The following FMN2 variants were observed in gnomAD, a reference collection of about 807,000 sequenced individuals.
The protein encoded by FMN2 is formin-2.
In FMN2, 51 loss-of-function variants were observed where a neutral mutation model predicts 142.3. The observed-to-expected ratio is 0.36, with a 90% confidence interval of 0.29 to 0.45. FMN2 has a LOEUF of 0.45. Ranked by LOEUF, FMN2 falls within the 20% of genes least tolerant of loss-of-function variation. The pLI, the probability that FMN2 is intolerant of heterozygous loss-of-function variation, is 1.00. For synonymous variants in FMN2, 882 were observed against 869.8 expected, an observed-to-expected ratio of 1.01 and a Z score of -0.25; for missense variants, 1,936 against 2,122.8, an observed-to-expected ratio of 0.91 and a Z score of 1.73.
intron 7 of FMN2, among the ~76,000 whole-genome samples, chr1:240,289,247 G>A (rs1029915403): frequency 1.3e-5 from 2 of 152,144 alleles, no homozygotes; most frequent in African/African-American, 4.8e-5. Flanking sequence ...ACAGCCCTGA[G>A]AGACTGCTCC....
intron 8 of FMN2, among the ~76,000 whole-genome samples, chr1:240,322,985 A>C (rs190608202): frequency 6.6e-6 from 1 of 152,004 alleles, no homozygotes; most frequent in Admixed American, 6.6e-5. Flanking sequence ...ATCTTCCGCC[A>C]TCCCCAAGAA....
At chr1:240,406,121 AATC>A (rs1170277208) in intron 15 of FMN2, among the ~76,000 whole-genome samples, 1 of 92,724 alleles carries the variant, frequency 1.1e-5, no homozygotes, top group Non-Finnish European at 2.1e-5. Flanking sequence ...AAGCGAAGGG[AATC>A]AGCCTCGGGA....
intron 3 of FMN2, among the ~76,000 whole-genome samples, chr1:240,187,349 G>A (rs957412993): frequency 2.0e-5 from 3 of 151,670 alleles, no homozygotes; most frequent in Non-Finnish European, 4.4e-5. Flanking sequence ...CCAGGGTCTG[G>A]TCTGCATGCC....
chr1:240,245,962 C>T (rs1056613558), intron 6 of FMN2, among the ~76,000 whole-genome samples: 6 of 151,568 alleles, frequency 4.0e-5, no homozygotes, highest in Admixed American at 1.3e-4. Flanking sequence ...GGGCGGATCA[C>T]GAGGTCAGGG....
intron 6 of FMN2, among the ~76,000 whole-genome samples, chr1:240,250,179 G>A (rs1668231792): frequency 6.6e-6 from 1 of 152,238 alleles, no homozygotes; most frequent in East Asian, 1.9e-4. Context: ...AATTATTAGA[G>A]GAAAGGCTTT....
intron 6 of FMN2, among the ~76,000 whole-genome samples, chr1:240,243,579 A>G (rs983629515): frequency 2.0e-5 from 3 of 152,238 alleles, no homozygotes; most frequent in Admixed American, 2.0e-4. Context: ...TTATTGGATT[A>G]CAAAATAAAA....
chr1:240,358,757 T>C (rs1164920063), intron 14 of FMN2, among the ~76,000 whole-genome samples: 1 of 152,106 alleles, frequency 6.6e-6, no homozygotes, highest in Non-Finnish European at 1.5e-5. Flanking sequence ...ACCTCGTCTC[T>C]CCCATGACAC....
At chr1:240,412,244 G>A (rs1674422781) in intron 15 of FMN2, among the ~76,000 whole-genome samples, 1 of 152,158 alleles carries the variant, frequency 6.6e-6, no homozygotes, top group African/African-American at 2.4e-5. Context: ...ATTAATTTGT[G>A]ATATTAATGG....
At chr1:240,109,401 A>G (rs1017202677) in intron 1 of FMN2, among the ~76,000 whole-genome samples, 1 of 152,234 alleles carries the variant, frequency 6.6e-6, no homozygotes, top group Non-Finnish European at 1.5e-5. Context: ...CAGAAAGGTT[A>G]CATGCACCAT....
intron 15 of FMN2, among the ~76,000 whole-genome samples, chr1:240,406,671 C>T (rs967557175): frequency 6.6e-6 from 1 of 152,080 alleles, no homozygotes; most frequent in Non-Finnish European, 1.5e-5. Flanking sequence ...CCACTCATGG[C>T]TCTAGTTTGA....
intron 4 of FMN2, among the ~76,000 whole-genome samples, chr1:240,205,456 C>CTT (rs36115091): frequency 0.031 from 2,974 of 97,420 alleles, 162 homozygotes; most frequent in African/African-American, 0.083. Context: ...ATGCTCTTTC[C>CTT]TTTTTTTTTT....
chr1:240,471,035 A>C (rs1347819219), intron 16 of FMN2, among the ~76,000 whole-genome samples: 1 of 152,210 alleles, frequency 6.6e-6, no homozygotes, highest in Non-Finnish European at 1.5e-5. Flanking sequence ...AGGGAGGTTC[A>C]GGGGTACAAG....
At chr1:240,276,259 A>G (rs1669204621) in intron 7 of FMN2, among the ~76,000 whole-genome samples, 1 of 152,222 alleles carries the variant, frequency 6.6e-6, no homozygotes, top group South Asian at 2.1e-4. Context: ...AGGCATTAGA[A>G]TAGGTGAAGA....
chr1:240,418,272 T>C (rs1674649658), intron 15 of FMN2, among the ~76,000 whole-genome samples: 1 of 151,278 alleles, frequency 6.6e-6, no homozygotes, highest in South Asian at 2.1e-4. Flanking sequence ...CAATCTCAGC[T>C]CACTGCAACC....
At chr1:240,404,839 G>T (rs1314643898) in intron 15 of FMN2, among the ~76,000 whole-genome samples, 1 of 152,114 alleles carries the variant, frequency 6.6e-6, no homozygotes, top group Non-Finnish European at 1.5e-5. Context: ...CCTGAAGTTT[G>T]TTTGTTAGCG....
At chr1:240,182,720 T>A (rs74734733) in intron 3 of FMN2, among the ~76,000 whole-genome samples, 4,841 of 152,168 alleles carry the variant, frequency 0.032, 255 homozygotes, top group African/African-American at 0.11. Context: ...GGATCTGCCA[T>A]TTTTAAAGGT....
intron 14 of FMN2, among the ~76,000 whole-genome samples, chr1:240,368,949 C>T (rs911847397): frequency 9.8e-6 from 1 of 102,208 alleles, no homozygotes; most frequent in Non-Finnish European, 1.8e-5. Flanking sequence ...GTGTACAACA[C>T]AATGTTTATA....
At position 240,207,112 on chromosome 1, in the gene FMN2, C is replaced by T; in HGVS notation, c.2300C>T (p.Pro767Leu). 7 of 1,614,126 alleles carry T rather than the reference C, an allele frequency of 4.3e-6. No individual in the cohort carries two copies. The highest frequency in any genetic ancestry group is 5.9e-6 in the Non-Finnish European group (7 of 1,179,998). Residue 767 changes from proline (P) to leucine (L), a missense_variant, in exon 5 of 18, where the codon CCT becomes CTT. This residue lies in a region of FMN2 where 478 missense variants were observed against 462.8 expected (regional missense o/e 1.03). Coordinates refer to ENST00000319653, the MANE Select transcript of FMN2 (RefSeq NM_020066.5). The part of the protein sequence containing the change: ...LPPVDGLPGR[P>L]PCPPGAESGP... Reference sequence around the variant, plus strand: ...CCTGTGGATGGGCTGCCAGGGCGTCCTCCATGCCCCCCTGGGGCTGAAAGT... The same window carrying T: ...CCTGTGGATGGGCTGCCAGGGCGTCTTCCATGCCCCCCTGGGGCTGAAAGT...
chr1:240,391,217 A>C (rs1234956179), intron 14 of FMN2, among the ~76,000 whole-genome samples: 1 of 152,190 alleles, frequency 6.6e-6, no homozygotes, highest in Non-Finnish European at 1.5e-5. Flanking sequence ...ATCTGCTGCC[A>C]CCTGAAATGA....
Sources: gnomAD v4.1 joint callset for allele counts (sites outside exome capture counted in the v4.1 genomes callset) on GRCh38, gnomAD v4.1.1 for gene constraint, gnomAD v4.1.1 regional missense constraint, MANE v1.5 for transcripts, NCBI Gene and HGNC (gene_info 2026-07-23, HGNC 2026-07-21) for gene names.